B3GALT1: variants seen among roughly 807,000 people sequenced by gnomAD.
B3GALT1 encodes the protein UDP-Gal:betaGlcNAc beta 1,3-galactosyltransferase, polypeptide 1.
A neutral mutation model predicts 23.2 loss-of-function variants in B3GALT1; 10 were observed. That is an observed-to-expected ratio of 0.43 (90% CI 0.27 to 0.73). The LOEUF (loss-of-function observed/expected upper bound fraction) is 0.73, where lower values mean the gene tolerates loss of function less well. Ranked by LOEUF, B3GALT1 falls within the 30% of genes least tolerant of loss-of-function variation. The pLI, the probability that B3GALT1 is intolerant of heterozygous loss-of-function variation, is 0.21. For synonymous variants in B3GALT1, 156 were observed against 141.5 expected (o/e 1.10, Z -0.73); for missense variants, 299 against 405.4 (o/e 0.74, Z 2.25).
chr2:167,551,632 G>C (rs1444037251), intron 2 of B3GALT1, among the ~76,000 whole-genome samples: 1 of 152,154 alleles, frequency 6.6e-6, no homozygotes, highest in African/African-American at 2.4e-5. Flanking sequence ...GGGGTTGTCT[G>C]TATCCTCCTG....
At chr2:167,563,390 G>A (rs1684060500) in intron 2 of B3GALT1, among the ~76,000 whole-genome samples, 2 of 138,272 alleles carry the variant, frequency 1.4e-5, no homozygotes, top group Non-Finnish European at 3.2e-5. Flanking sequence ...CCCGGACGGG[G>A]CGGCTGGCCG....
chr2:167,638,327 T>C (rs1281837365), intron 2 of B3GALT1, among the ~76,000 whole-genome samples: 1 of 152,098 alleles, frequency 6.6e-6, no homozygotes, highest in East Asian at 1.9e-4. Context: ...GGCAGTCATA[T>C]TTCATAAATG....
chr2:167,307,966 T>C (rs1696574698), intron 1 of B3GALT1, among the ~76,000 whole-genome samples: 1 of 61,776 alleles, frequency 1.6e-5, no homozygotes, highest in Admixed American at 1.8e-4. Flanking sequence ...ATAACAAAAC[T>C]TGAAAATAAA....
chr2:167,311,536 T>G (rs1200799415), intron 1 of B3GALT1, among the ~76,000 whole-genome samples: 1 of 152,030 alleles, frequency 6.6e-6, no homozygotes, highest in Non-Finnish European at 1.5e-5. Context: ...GCACCAGGAC[T>G]TAAAATATTT....
intron 3 of B3GALT1, among the ~76,000 whole-genome samples, chr2:167,814,056 A>C (rs1344350453): frequency 2.0e-5 from 3 of 152,232 alleles, no homozygotes; most frequent in African/African-American, 2.4e-5. Context: ...ATTCTACTTC[A>C]TTAGTATGAA....
chr2:167,346,790 A>C (rs1176617938), intron 1 of B3GALT1, among the ~76,000 whole-genome samples: 1 of 151,104 alleles, frequency 6.6e-6, no homozygotes, highest in Admixed American at 6.6e-5. Flanking sequence ...GTGTGTGCGT[A>C]TACCTGTAAT....
intron 1 of B3GALT1, among the ~76,000 whole-genome samples, chr2:167,337,910 G>A (rs974961275): frequency 6.6e-6 from 1 of 152,060 alleles, no homozygotes; most frequent in Admixed American, 6.5e-5. Flanking sequence ...TCTGGATTCC[G>A]AGAAACCAGT....
At chr2:167,575,352 A>C (rs1684362604) in intron 2 of B3GALT1, among the ~76,000 whole-genome samples, 1 of 151,756 alleles carries the variant, frequency 6.6e-6, no homozygotes, top group Non-Finnish European at 1.5e-5. Context: ...CCAGCCTACC[A>C]ATTTGCTATA....
At chr2:167,759,600 A>G (rs771400055) in intron 3 of B3GALT1, among the ~76,000 whole-genome samples, 8 of 152,212 alleles carry the variant, frequency 5.3e-5, no homozygotes, top group Non-Finnish European at 1.0e-4. Flanking sequence ...AGAAGCCTCT[A>G]CTGAGAGCTA....
At chr2:167,486,877 C>T (rs1256302350) in intron 1 of B3GALT1, among the ~76,000 whole-genome samples, 2 of 152,034 alleles carry the variant, frequency 1.3e-5, no homozygotes, top group Non-Finnish European at 2.9e-5. Context: ...GGAAAAATCA[C>T]ACAAGAATGT....
intron 3 of B3GALT1, among the ~76,000 whole-genome samples, chr2:167,737,580 G>A (rs1042942053): frequency 6.6e-6 from 1 of 152,156 alleles, no homozygotes; most frequent in African/African-American, 2.4e-5. Context: ...GAGTCTTAGG[G>A]GCCAGCAACA....
At chr2:167,528,414 C>T (rs901900807) in intron 2 of B3GALT1, among the ~76,000 whole-genome samples, 1 of 152,136 alleles carries the variant, frequency 6.6e-6, no homozygotes. Flanking sequence ...AAGGGTGCCT[C>T]TCCTCCATTT....
At chr2:167,855,073 T>A (rs1689973484) in intron 4 of B3GALT1, among the ~76,000 whole-genome samples, 1 of 152,158 alleles carries the variant, frequency 6.6e-6, no homozygotes, top group Non-Finnish European at 1.5e-5. Context: ...GGGGATGAAT[T>A]CTTCATCCTC....
At chr2:167,659,280 T>A (rs1394938617) in intron 3 of B3GALT1, among the ~76,000 whole-genome samples, 1 of 152,062 alleles carries the variant, frequency 6.6e-6, no homozygotes, top group African/African-American at 2.4e-5. Flanking sequence ...ATTAATTTTT[T>A]AAATTGTTAC....
At chr2:167,675,171 T>C (rs906543483) in intron 3 of B3GALT1, among the ~76,000 whole-genome samples, 3 of 152,310 alleles carry the variant, frequency 2.0e-5, no homozygotes, top group Admixed American at 1.3e-4. Flanking sequence ...AGTATGTGAA[T>C]TAAAATGGCC....
intron 1 of B3GALT1, among the ~76,000 whole-genome samples, chr2:167,314,276 C>G (rs139171502): frequency 1.7e-3 from 255 of 152,234 alleles, no homozygotes; most frequent in African/African-American, 6.1e-3. Flanking sequence ...GAAGATTGCT[C>G]AAAGGATGTT....
intron 1 of B3GALT1, among the ~76,000 whole-genome samples, chr2:167,407,649 A>T (rs1241771778): frequency 2.6e-5 from 4 of 152,124 alleles, no homozygotes; most frequent in Non-Finnish European, 5.9e-5. Context: ...ATGAAAAAGG[A>T]GACGTAACAA....
intron 1 of B3GALT1, among the ~76,000 whole-genome samples, chr2:167,312,048 A>T (rs1049043305): frequency 1.3e-5 from 2 of 151,944 alleles, no homozygotes; most frequent in South Asian, 4.1e-4. Flanking sequence ...AAAAGAGAAA[A>T]AGAAAAATTT....
intron 2 of B3GALT1, among the ~76,000 whole-genome samples, chr2:167,503,836 G>T (rs1463673601): frequency 6.6e-6 from 1 of 152,124 alleles, no homozygotes; most frequent in Non-Finnish European, 1.5e-5. Flanking sequence ...TGCCTTCATT[G>T]TATTAAAATT....
Sources: gnomAD v4.1 joint callset for allele counts (sites outside exome capture counted in the v4.1 genomes callset) on GRCh38, gnomAD v4.1.1 for gene constraint, MANE v1.5 for transcripts, NCBI Gene and HGNC (gene_info 2026-07-23, HGNC 2026-07-21) for gene names.